FOXP2: variants seen among roughly 807,000 people sequenced by gnomAD.
FOXP2 encodes the protein forkhead box P2, also known as forkhead box protein P2.
Under a neutral mutation model 115.8 loss-of-function variants are expected in FOXP2, and 12 were observed. The observed-to-expected ratio is 0.10, with a 90% CI of 0.07 to 0.17. The LOEUF (loss-of-function observed/expected upper bound fraction) is 0.17. Among genes scored for constraint, FOXP2 ranks in the 10% least tolerant of loss-of-function variants. The pLI is 1.00. For missense variants in FOXP2, 629 were observed against 843.5 expected, an observed-to-expected ratio of 0.75 and a Z score of 3.15; for synonymous variants, 328 against 297.7, an observed-to-expected ratio of 1.10 and a Z score of -1.05.
At chr7:114,596,450 C>A (rs1802715959) in intron 3 of FOXP2, among the ~76,000 whole-genome samples, 1 of 152,052 alleles carries the variant, frequency 6.6e-6, no homozygotes, top group Non-Finnish European at 1.5e-5. Context: ...CCTGAGAGAG[C>A]TTTCTGAAGC....
At chr7:114,688,111 T>G (rs1041229417) in intron 16 of FOXP2, among the ~76,000 whole-genome samples, 2 of 135,110 alleles carry the variant, frequency 1.5e-5, no homozygotes, top group African/African-American at 2.9e-5. Flanking sequence ...AACTTCAGGG[T>G]TTTTTTTTTT....
intron 2 of FOXP2, among the ~76,000 whole-genome samples, chr7:114,334,928 A>AATATATATATATAT (rs1425036052): frequency 1.3e-4 from 15 of 111,810 alleles, no homozygotes; most frequent in East Asian, 1.3e-3. Flanking sequence ...TATATATAGA[A>AATATATATATATAT]ATCTATATAT....
chr7:114,347,643 C>T (rs1002412147), intron 2 of FOXP2, among the ~76,000 whole-genome samples: 18 of 151,792 alleles, frequency 1.2e-4, no homozygotes, highest in African/African-American at 4.4e-4. Context: ...TATTTTATAC[C>T]TCAAGCAAGG....
At chr7:114,514,189 A>G (rs1183478233) in intron 2 of FOXP2, among the ~76,000 whole-genome samples, 1 of 152,042 alleles carries the variant, frequency 6.6e-6, no homozygotes. Flanking sequence ...CTGTTTTCAT[A>G]TAGGTATGCA....
chr7:114,216,579 A>G (rs184119339), intron 1 of FOXP2, among the ~76,000 whole-genome samples: 7 of 152,250 alleles, frequency 4.6e-5, no homozygotes, highest in African/African-American at 1.7e-4. Context: ...CTAGTAGAGA[A>G]TTTTGAACAC....
In FOXP2 at chr7:114,691,957, GA is replaced by G. The variant is rs1808691494; in HGVS notation, c.*2036del. On this transcript the variant is annotated 3_prime_UTR_variant, in exon 17 of 17. Transcript: ENST00000350908. ...AAAAAAAAAAAGAAAAAAAAAAAAA[GA>G]AAAACATTAGAACAATTATGGCAGA... 3.1e-6 allele frequency: 1 copy of G among 322,930 alleles called. No homozygotes were observed. The highest frequency in any genetic ancestry group is 2.4e-5 in the African/African-American group (1 of 41,164). The allele number at this position is 322,930 out of a possible 1,614,324, so 20.0% of individuals were successfully genotyped here. A position where few individuals can be genotyped will look rare whatever the true frequency, so the allele number is the denominator to read the frequency against.
intron 2 of FOXP2, among the ~76,000 whole-genome samples, chr7:114,521,074 T>C (rs1008570992): frequency 6.6e-6 from 1 of 152,144 alleles, no homozygotes; most frequent in African/African-American, 2.4e-5. Context: ...TGTGCTTTGG[T>C]GAATTTGAAA....
chr7:114,097,553 T>A (rs1799677886), intron 1 of FOXP2, among the ~76,000 whole-genome samples: 1 of 152,222 alleles, frequency 6.6e-6, no homozygotes. Context: ...TAGCCTTAAG[T>A]TACATTTAGG....
At chr7:114,146,796 G>C (rs1293405860) in intron 1 of FOXP2, among the ~76,000 whole-genome samples, 1 of 152,182 alleles carries the variant, frequency 6.6e-6, no homozygotes, top group Non-Finnish European at 1.5e-5. Flanking sequence ...GCAGCAGGCT[G>C]AAACAGCATC....
intron 2 of FOXP2, among the ~76,000 whole-genome samples, chr7:114,471,913 T>A (rs1299633969): frequency 6.6e-6 from 1 of 151,256 alleles, no homozygotes; most frequent in African/African-American, 2.4e-5. Flanking sequence ...TGAGCTGAGA[T>A]TGCACTGCTG....
intron 2 of FOXP2, among the ~76,000 whole-genome samples, chr7:114,333,043 A>G (rs2694933): frequency 0.57 from 86,416 of 151,828 alleles, 25,458 homozygotes; most frequent in East Asian, 0.84. Flanking sequence ...TCTACCACAA[A>G]ACGAAACAGT....
At chr7:114,301,543 G>A (rs1017332152) in intron 2 of FOXP2, among the ~76,000 whole-genome samples, 11 of 151,958 alleles carry the variant, frequency 7.2e-5, no homozygotes, top group Admixed American at 2.6e-4. Flanking sequence ...TTTTGGTACC[G>A]GGAGATCTAA....
intron 1 of FOXP2, among the ~76,000 whole-genome samples, chr7:114,111,461 A>G (rs1791265719): frequency 6.6e-6 from 1 of 152,154 alleles, no homozygotes; most frequent in African/African-American, 2.4e-5. Context: ...GCTAACACAG[A>G]ATTGTGAGGA....
intron 1 of FOXP2, among the ~76,000 whole-genome samples, chr7:114,262,235 G>A (rs1795773333): frequency 6.6e-6 from 1 of 152,022 alleles, no homozygotes; most frequent in Non-Finnish European, 1.5e-5. Context: ...ACCAGCCTGG[G>A]CAACATAGTG....
chr7:114,237,447 C>A (rs1422941126), intron 1 of FOXP2, among the ~76,000 whole-genome samples: 1 of 152,110 alleles, frequency 6.6e-6, no homozygotes, highest in Non-Finnish European at 1.5e-5. Flanking sequence ...TACTGAATTG[C>A]CATGCAAGTA....
chr7:114,335,701 A>G (rs1032835068), intron 2 of FOXP2, among the ~76,000 whole-genome samples: 1 of 151,794 alleles, frequency 6.6e-6, no homozygotes, highest in Middle Eastern at 3.2e-3. Context: ...AATGTGGCCA[A>G]CCTGAATATT....
intron 16 of FOXP2, among the ~76,000 whole-genome samples, chr7:114,683,251 G>T (rs1203552517): frequency 6.6e-6 from 1 of 152,182 alleles, no homozygotes; most frequent in Non-Finnish European, 1.5e-5. Context: ...TGTATTTACA[G>T]TGTGCTATGT....
At chr7:114,484,148 G>A (rs990996249) in intron 2 of FOXP2, among the ~76,000 whole-genome samples, 1 of 151,750 alleles carries the variant, frequency 6.6e-6, no homozygotes, top group South Asian at 2.1e-4. Flanking sequence ...AAGTAATTTT[G>A]ATAAAACTTA....
intron 1 of FOXP2, among the ~76,000 whole-genome samples, chr7:114,135,801 G>C (rs954027492): frequency 7.2e-5 from 11 of 152,056 alleles, no homozygotes; most frequent in Non-Finnish European, 2.9e-5. Context: ...TGTGTTCATG[G>C]ATTTGCTGTG....
Sources: gnomAD v4.1 joint callset for allele counts (sites outside exome capture counted in the v4.1 genomes callset) on GRCh38, gnomAD v4.1.1 for gene constraint, MANE v1.5 for transcripts, NCBI Gene and HGNC (gene_info 2026-07-23, HGNC 2026-07-21) for gene names.